The following VPS13B variants were observed in gnomAD, a reference collection of about 807,000 sequenced individuals.
The protein encoded by VPS13B is intermembrane lipid transfer protein VPS13B.
Under a neutral mutation model 426.4 loss-of-function variants are expected in VPS13B, and 285 were observed. The ratio of observed to expected loss-of-function variants is 0.67; its 90% CI spans 0.61 to 0.74. VPS13B has a LOEUF of 0.74. Ranked by LOEUF, VPS13B falls within the 30% of genes least tolerant of loss-of-function variation. The pLI is 0.00. For synonymous variants in VPS13B, 1,676 were observed against 1,676.4 expected (o/e 1.00, Z 0.01); for missense variants, 4,537 against 4,782.6 (o/e 0.95, Z 1.51).
chr8:99,447,051 C>T (rs1362242082), intron 23 of VPS13B, among the ~76,000 whole-genome samples: 2 of 152,064 alleles, frequency 1.3e-5, no homozygotes, highest in Admixed American at 6.6e-5. Context: ...TACGTGATTG[C>T]CTAATTCCTG....
At chr8:99,568,295 TATTA>T (rs749501603) in intron 31 of VPS13B, among the ~76,000 whole-genome samples, 5 of 148,942 alleles carry the variant, frequency 3.4e-5, no homozygotes, top group East Asian at 2.0e-4. Context: ...TTATTATTAT[TATTA>T]TTTTTTTTTG....
intron 42 of VPS13B, among the ~76,000 whole-genome samples, chr8:99,780,595 G>A (rs888356201): frequency 1.3e-5 from 2 of 152,134 alleles, no homozygotes; most frequent in Non-Finnish European, 2.9e-5. Flanking sequence ...AGAGCCATAT[G>A]TCACGTAGCA....
chr8:99,121,005 G>A (rs909188282), intron 7 of VPS13B, among the ~76,000 whole-genome samples, 172 bp from the exon 8 acceptor site: 10 of 152,166 alleles, frequency 6.6e-5, no homozygotes, highest in Admixed American at 1.3e-4. Context: ...CATACAGAAA[G>A]TTGAGAGTCA....
At chr8:99,204,603 CTGT>C (rs1368893130) in intron 17 of VPS13B, among the ~76,000 whole-genome samples, 1 of 152,066 alleles carries the variant, frequency 6.6e-6, no homozygotes. Context: ...TTTTTGTAAT[CTGT>C]TTATTTGACA....
intron 27 of VPS13B, among the ~76,000 whole-genome samples, chr8:99,506,028 C>T (rs889826907): frequency 1.3e-5 from 2 of 152,066 alleles, no homozygotes; most frequent in Non-Finnish European, 2.9e-5. Flanking sequence ...AATTTATTTT[C>T]TATATTTTAT....
intron 43 of VPS13B, among the ~76,000 whole-genome samples, chr8:99,792,193 G>GTCA (rs754511085): frequency 1.8e-4 from 27 of 152,074 alleles, no homozygotes; most frequent in Non-Finnish European, 2.4e-4. Context: ...CTTTGGAGCA[G>GTCA]TCATAAGAGA....
At chr8:99,569,605 C>T (rs1385796516) in intron 31 of VPS13B, among the ~76,000 whole-genome samples, 1 of 152,138 alleles carries the variant, frequency 6.6e-6, no homozygotes, top group East Asian at 1.9e-4. Context: ...TTCTTAAACT[C>T]CTTTAGTATT....
At chr8:99,287,596 A>G (rs1410411341) in intron 19 of VPS13B, among the ~76,000 whole-genome samples, 1 of 152,054 alleles carries the variant, frequency 6.6e-6, no homozygotes, top group Non-Finnish European at 1.5e-5. Flanking sequence ...TCTATCTGGA[A>G]ATATATGATA....
intron 21 of VPS13B, among the ~76,000 whole-genome samples, chr8:99,419,146 T>TC (rs921204811): frequency 2.6e-5 from 4 of 152,130 alleles, no homozygotes; most frequent in Non-Finnish European, 5.9e-5. Flanking sequence ...TTTAACAACA[T>TC]CCCCCTAGTG....
intron 19 of VPS13B, among the ~76,000 whole-genome samples, chr8:99,319,616 C>T (rs1383194401): frequency 6.6e-6 from 1 of 152,154 alleles, no homozygotes; most frequent in Admixed American, 6.5e-5. Context: ...ATCATTGTGA[C>T]AACCAGAAAC....
chr8:99,468,106 T>C (rs543319923), intron 24 of VPS13B, among the ~76,000 whole-genome samples: 37 of 152,270 alleles, frequency 2.4e-4, no homozygotes, highest in Admixed American at 1.4e-3. Flanking sequence ...ACCCGTTAAC[T>C]CATCATTTAC....
chr8:99,467,311 G>GTATT (rs1336687328), intron 23 of VPS13B, 103 bp from the exon 24 acceptor site: 15 of 1,166,554 alleles, frequency 1.3e-5, no homozygotes, highest in Non-Finnish European at 1.4e-5. Context: ...TTATGATGCA[G>GTATT]TATTAGTCAT....
At chr8:99,064,018 G>T (rs1051123907) in intron 3 of VPS13B, among the ~76,000 whole-genome samples, 1 of 152,052 alleles carries the variant, frequency 6.6e-6, no homozygotes, top group Non-Finnish European at 1.5e-5. Context: ...ACTGTTAGAA[G>T]GAAAAAGAAG....
In VPS13B at chr8:99,699,662, A is replaced by G. The variant is rs754400139; in HGVS notation, c.6184A>G (p.Asn2062Asp). 2 of 1,614,196 alleles carry G rather than the reference A, an allele frequency of 1.2e-6. No individual in the cohort carries two copies. Among genetic ancestry groups the G allele is most frequent in the South Asian group, 2.2e-5 (2 of 91,082 alleles). The change falls in exon 36 of 62, where the codon AAC becomes GAC. Residue 2062 changes from asparagine to aspartate, a missense_variant. Coordinates refer to ENST00000357162, the MANE Select transcript of VPS13B (RefSeq NM_152564.5). ...TAGTGAAGAGACTTCAGCCATGTCC[A>G]ACACCATGGTGAATAAGGATGATCT... is the stretch of plus-strand genomic sequence containing the variant. The part of the protein sequence containing the change: ...AHSEETSAMS[N>D]TMVNKDDLPV...
chr8:99,420,457 A>C (rs893464507), intron 21 of VPS13B, among the ~76,000 whole-genome samples: 26 of 152,182 alleles, frequency 1.7e-4, no homozygotes, highest in African/African-American at 6.3e-4. Flanking sequence ...TTTCGTATAA[A>C]TCATTGATTA....
At chr8:99,170,225 C>A (rs543463979) in intron 16 of VPS13B, 62 bp downstream of exon 16, 21 of 1,574,426 alleles carry the variant, frequency 1.3e-5, no homozygotes, top group African/African-American at 4.1e-5. Context: ...GGGAAAAAAC[C>A]CCCAAATGTA....
At chr8:99,186,415 A>G (rs1813223243) in intron 16 of VPS13B, among the ~76,000 whole-genome samples, 2 of 152,090 alleles carry the variant, frequency 1.3e-5, no homozygotes, top group African/African-American at 2.4e-5. Flanking sequence ...GTTGATCTTT[A>G]AAAAATTTTT....
chr8:99,229,153 C>T (rs573233281), intron 17 of VPS13B, among the ~76,000 whole-genome samples: 2 of 152,074 alleles, frequency 1.3e-5, no homozygotes, highest in Non-Finnish European at 2.9e-5. Flanking sequence ...AAAAAAGGGT[C>T]GGGAACAAGA....
Position 99,312,996 on chromosome 8 carries a change from C to T in VPS13B, c.2824+37742C>T, listed in dbSNP as rs557427696. On this transcript the variant is annotated intron_variant, in intron 19 of 61. Transcript: ENST00000357162. ...GGTTGTGCATTTGTCACGTAGTTCT[C>T]GTGCCATGTTTGTCAGCTCCATCAG... is the stretch of plus-strand genomic sequence containing the variant. Among the ~76,000 whole-genome samples the T allele has an allele frequency of 1.8e-4, 28 of 152,302 alleles. 1 individual carries two copies. The highest frequency in any genetic ancestry group is 1.4e-3 in the Admixed American group (21 of 15,300).
Sources: allele counts gnomAD v4.1 joint callset (sites outside exome capture counted in the v4.1 genomes callset), GRCh38; gene constraint gnomAD v4.1.1; transcripts MANE v1.5; gene names NCBI Gene and HGNC (gene_info 2026-07-23, HGNC 2026-07-21).